Variants in NPHP4 observed in about 807,000 individuals in gnomAD.
NPHP4 encodes nephrocystin 4, also known as nephrocystin-4.
A neutral mutation model predicts 155.8 loss-of-function variants in NPHP4; 151 were observed. That is an observed-to-expected ratio of 0.97 (90% CI 0.85 to 1.11). The LOEUF is 1.11. NPHP4 is among the 50% of genes least tolerant of loss of function. The pLI is 0.00. For missense variants in NPHP4, 1,956 were observed against 1,925.7 expected, an observed-to-expected ratio of 1.02 and a Z score of -0.29; for synonymous variants, 845 against 816.8, an observed-to-expected ratio of 1.03 and a Z score of -0.59.
intron 16 of NPHP4, among the ~76,000 whole-genome samples, chr1:5,900,503 A>G (rs572951668): frequency 3.4e-4 from 52 of 152,290 alleles, no homozygotes; most frequent in Non-Finnish European, 6.3e-4. Flanking sequence ...ATTCTGGAAG[A>G]GGCAACATGG....
chr1:5,914,350 C>T (rs1325581944), intron 11 of NPHP4, among the ~76,000 whole-genome samples: 1 of 144,378 alleles, frequency 6.9e-6, no homozygotes, highest in Admixed American at 7.0e-5. Flanking sequence ...GGGAAGATCA[C>T]TTGGGCCTGG....
intron 16 of NPHP4, among the ~76,000 whole-genome samples, chr1:5,891,508 C>G (rs933729782): frequency 1.3e-5 from 2 of 152,210 alleles, no homozygotes; most frequent in African/African-American, 4.8e-5. Flanking sequence ...GCACCTGCCC[C>G]GTGGGTATCC....
chr1:5,868,833 C>T (rs1237217429), intron 23 of NPHP4, among the ~76,000 whole-genome samples: 13 of 144,842 alleles, frequency 9.0e-5, no homozygotes, highest in South Asian at 4.5e-4. Context: ...CATGCACACA[C>T]GCACCCACAC....
intron 25 of NPHP4, 138 bp downstream of exon 25, chr1:5,866,892 C>T (rs192763076): frequency 8.8e-5 from 59 of 672,538 alleles, no homozygotes; most frequent in Admixed American, 7.9e-4. Context: ...TCAAAATAGC[C>T]CTTTAGTACC....
chr1:5,984,441 G>A (rs943161680), intron 2 of NPHP4, among the ~76,000 whole-genome samples: 3 of 152,118 alleles, frequency 2.0e-5, no homozygotes, highest in African/African-American at 7.2e-5. Flanking sequence ...GGCTGAGGAA[G>A]GAGGATCACT....
chr1:5,939,639 C>G (rs1646722028), intron 9 of NPHP4, among the ~76,000 whole-genome samples: 1 of 152,234 alleles, frequency 6.6e-6, no homozygotes. Context: ...GGCCCAGCAT[C>G]CACTGCAGTG....
At chr1:5,928,334 C>A (rs1371420588) in intron 10 of NPHP4, among the ~76,000 whole-genome samples, 1 of 152,216 alleles carries the variant, frequency 6.6e-6, no homozygotes, top group African/African-American at 2.4e-5. Context: ...TTGAGACCAG[C>A]TTCTTTCATT....
intron 27 of NPHP4, 161 bp from the exon 28 acceptor site, chr1:5,864,678 C>T (rs954086180): frequency 4.9e-6 from 3 of 608,254 alleles, no homozygotes; most frequent in Non-Finnish European, 8.5e-6. Context: ...ATGACTGTGG[C>T]CGCGACTTGG....
At chr1:5,886,277 T>G (rs1397742350) in intron 18 of NPHP4, among the ~76,000 whole-genome samples, 1 of 152,234 alleles carries the variant, frequency 6.6e-6, no homozygotes, top group Non-Finnish European at 1.5e-5. Flanking sequence ...CCGCCTCGGA[T>G]GTACATTCGT....
intron 1 of NPHP4, among the ~76,000 whole-genome samples, chr1:5,989,329 T>C (rs1222252978): frequency 6.6e-6 from 1 of 152,166 alleles, no homozygotes; most frequent in Non-Finnish European, 1.5e-5. Context: ...CAGGAAATCA[T>C]ACAGCTGTCC....
rs569364202 is a variant in NPHP4, at chr1:5,874,988, G to A, written c.2930C>T (p.Thr977Met). The A allele has an allele frequency of 2.0e-4, 326 of 1,612,672 alleles. 2 individuals are homozygous for A. The South Asian group carries it at 2.6e-3, about 13-fold the overall frequency. The change falls in exon 21 of 30, where the codon ACG becomes ATG. Residue 977 changes from threonine to methionine, a missense_variant. Thr to Met is a moderately conservative substitution (Grantham distance 81). Transcript: ENST00000378156. ...CAGCGTGGCGTGGAGCGTGTGCTCC[G>A]TGGTGATGGCCAGGCTCAGCAGGCT... Reference protein sequence around the residue: ...IASLLSLAITTEHTLHATLGV... With the variant: ...IASLLSLAITMEHTLHATLGV...
chr1:5,901,032 C>T (rs908927464), intron 16 of NPHP4, among the ~76,000 whole-genome samples: 6 of 151,432 alleles, frequency 4.0e-5, no homozygotes, highest in Admixed American at 1.3e-4. Flanking sequence ...AAGATCCTGT[C>T]TCAAATAAAA....
chr1:5,873,935 ACC>A, intron 22 of NPHP4: 1 of 204,476 alleles, frequency 4.9e-6, no homozygotes, highest in Non-Finnish European at 9.7e-6. Context: ...CCTCACACAC[ACC>A]CTGCATACAT....
chr1:5,989,084 G>A (rs1414025444), intron 1 of NPHP4, among the ~76,000 whole-genome samples: 1 of 152,124 alleles, frequency 6.6e-6, no homozygotes. Context: ...AGACTGCAGT[G>A]ATTGCTTCAA....
chr1:5,905,514 C>G lies in NPHP4; in HGVS notation c.1764-31G>C. ...ACACAGAGACTCCTCAGGTAGCCTC[C>G]CGGGAAAGGGGGGACCCATTGATGC... is the stretch of plus-strand genomic sequence containing the variant. On this transcript the variant is annotated intron_variant, in intron 14 of 29. Coordinates refer to ENST00000378156, the MANE Select transcript of NPHP4 (RefSeq NM_015102.5). The surrounding 1 kb of genome is among the most constrained non-coding windows in gnomAD (Gnocchi z 4.0). 3 of 1,597,274 alleles carry G rather than the reference C, an allele frequency of 1.9e-6. No homozygotes were observed. The highest frequency in any genetic ancestry group is 2.6e-6 in the Non-Finnish European group (3 of 1,167,720).
At chr1:5,883,816 AC>A (rs1444978818) in intron 18 of NPHP4, among the ~76,000 whole-genome samples, 4 of 152,190 alleles carry the variant, frequency 2.6e-5, no homozygotes, top group Non-Finnish European at 5.9e-5. Flanking sequence ...TTAAGCCTGT[AC>A]TATGCACCAC....
At position 5,880,113 on chromosome 1, in the gene NPHP4, C is replaced by T. The variant is rs374141736; in HGVS notation, c.2611+1G>A. On this transcript the variant is annotated splice_donor_variant, in intron 19 of 29. Coordinates refer to ENST00000378156, the MANE Select transcript of NPHP4 (RefSeq NM_015102.5). LOFTEE classifies it high-confidence loss of function. ...ACATGGGCCCAACAGTGTAAACTCA[C>T]GCCTTGAGCTTCCAGTCGTGAGGAG... 2.4e-5 allele frequency: 39 copies of T among 1,613,530 alleles called. No homozygotes were observed. The highest frequency in any genetic ancestry group is 4.0e-5 in the African/African-American group (3 of 74,930).
In NPHP4 at chr1:5,864,337, C is replaced by T; in HGVS notation, c.3996+1G>A. On this transcript the variant is annotated splice_donor_variant, in intron 28 of 29. Transcript: ENST00000378156. LOFTEE classifies it high-confidence loss of function. ...AGCCTGTGCCTGCCACACATACAGACCTTGGAGATGAGCGGCTGGCGGCAG... is the reference window on the plus strand; with the variant it reads ...AGCCTGTGCCTGCCACACATACAGATCTTGGAGATGAGCGGCTGGCGGCAG... The T allele has an allele frequency of 6.2e-7, 1 of 1,605,110 alleles. No homozygotes were observed. The highest frequency in any genetic ancestry group is 1.1e-5 in the South Asian group (1 of 89,928).
At chr1:5,940,003 G>C (rs376627811) in intron 9 of NPHP4, among the ~76,000 whole-genome samples, 1 of 152,162 alleles carries the variant, frequency 6.6e-6, no homozygotes, top group South Asian at 2.1e-4. Flanking sequence ...CCCTGGAACA[G>C]GCAGAAAGCA....
Sources: gnomAD v4.1 joint callset for allele counts (sites outside exome capture counted in the v4.1 genomes callset) on GRCh38, gnomAD v4.1.1 for gene constraint, Gnocchi (gnomAD v3.1) non-coding constraint, MANE v1.5 for transcripts, NCBI Gene and HGNC (gene_info 2026-07-23, HGNC 2026-07-21) for gene names.